Variants in RBFOX1 observed in about 807,000 individuals in gnomAD.
RBFOX1 encodes RNA binding protein fox-1 homolog 1.
In RBFOX1, 8 loss-of-function variants were observed where a neutral mutation model predicts 57.7. The ratio of observed to expected loss-of-function variants is 0.14; its 90% CI spans 0.08 to 0.25. RBFOX1 has a LOEUF of 0.25. Ranked by LOEUF, RBFOX1 falls within the 10% of genes least tolerant of loss-of-function variation. RBFOX1 has a pLI of 1.00. For synonymous variants in RBFOX1, 326 were observed against 222.4 expected (o/e 1.47, Z -4.15); for missense variants, 611 against 548.5 (o/e 1.11, Z -1.14).
chr16:7,230,780 G>T (rs1300482851), intron 4 of RBFOX1, among the ~76,000 whole-genome samples: 2 of 152,090 alleles, frequency 1.3e-5, no homozygotes, highest in Non-Finnish European at 2.9e-5. Context: ...TCTGCTCTTC[G>T]GACATAAACT....
chr16:5,303,836 C>A (rs1300136839), intron 1 of RBFOX1, among the ~76,000 whole-genome samples: 8 of 151,936 alleles, frequency 5.3e-5, no homozygotes, highest in Admixed American at 5.3e-4. Context: ...GCTGAGATGC[C>A]TTTTTTCCCC....
intron 1 of RBFOX1, among the ~76,000 whole-genome samples, chr16:5,369,535 A>G (rs2065807841): frequency 6.6e-6 from 1 of 152,238 alleles, no homozygotes; most frequent in East Asian, 1.9e-4. Context: ...ACATGCTGCT[A>G]TCCTCCCACT....
At chr16:7,473,346 A>G (rs369144596) in intron 4 of RBFOX1, among the ~76,000 whole-genome samples, 1 of 151,014 alleles carries the variant, frequency 6.6e-6, no homozygotes, top group Admixed American at 6.6e-5. Flanking sequence ...CCACTGCACT[A>G]GAACCTGGGT....
intron 3 of RBFOX1, among the ~76,000 whole-genome samples, chr16:6,754,410 A>G (rs1385070957): frequency 1.3e-5 from 2 of 152,220 alleles, no homozygotes; most frequent in Non-Finnish European, 2.9e-5. Context: ...TGGGAATTAT[A>G]TTTCAAAACC....
At chr16:6,798,307 G>A (rs1415275346) in intron 3 of RBFOX1, among the ~76,000 whole-genome samples, 2 of 152,070 alleles carry the variant, frequency 1.3e-5, no homozygotes, top group African/African-American at 2.4e-5. Flanking sequence ...CTAGAAACTT[G>A]CATTTTTGAT....
intron 1 of RBFOX1, among the ~76,000 whole-genome samples, chr16:5,373,927 C>T (rs1361518884): frequency 6.6e-6 from 1 of 150,944 alleles, no homozygotes; most frequent in Admixed American, 6.6e-5. Flanking sequence ...TTATATGTTA[C>T]CCAGTTTGAG....
rs777482155 is a variant in RBFOX1, at chr16:5,511,438, G to A, written c.258+44184G>A. 4.6e-5 allele frequency among the ~76,000 whole-genome samples: 7 copies of A among 151,908 alleles called. 1 individual carries two copies. The South Asian group carries it at 1.0e-3, about 23-fold the overall frequency. ...CTCTTTTTTCATTTTGTCCTTTGTC[G>A]ATAAGTCAAGACTAGTCAGATAATA... is the stretch of plus-strand genomic sequence containing the variant. On this transcript the variant is annotated intron_variant, in intron 2 of 2. Coordinates refer to the RBFOX1 transcript ENST00000585867.
intron 4 of RBFOX1, among the ~76,000 whole-genome samples, chr16:7,302,801 G>C (rs1474399590): frequency 2.1e-5 from 3 of 146,132 alleles, no homozygotes; most frequent in Non-Finnish European, 3.0e-5. Context: ...ATTTTCTTTC[G>C]ATTTGCAGAT....
intron 2 of RBFOX1, among the ~76,000 whole-genome samples, chr16:6,383,505 T>G (rs1397817889): frequency 2.0e-5 from 3 of 152,150 alleles, no homozygotes; most frequent in Non-Finnish European, 2.9e-5. Context: ...CTGGACACAG[T>G]GGCTCATGCC....
At chr16:5,566,196 G>C (rs1453402132) in intron 2 of RBFOX1, among the ~76,000 whole-genome samples, 2 of 152,224 alleles carry the variant, frequency 1.3e-5, no homozygotes, top group African/African-American at 2.4e-5. Context: ...TGAATACAAT[G>C]GGGATGTGAA....
intron 4 of RBFOX1, among the ~76,000 whole-genome samples, chr16:7,187,468 T>C (rs370601185): frequency 2.0e-5 from 3 of 151,080 alleles, no homozygotes; most frequent in South Asian, 4.2e-4. Flanking sequence ...GGCGGGCTAA[T>C]CACGAGATCA....
At chr16:7,381,215 T>A (rs74012506) in intron 4 of RBFOX1, among the ~76,000 whole-genome samples, 2,463 of 152,274 alleles carry the variant, frequency 0.016, 73 homozygotes, top group African/African-American at 0.056. Context: ...ATCAAAGGGA[T>A]TGAGGCCGTG....
chr16:6,848,941 T>C lies in RBFOX1; in HGVS notation c.-16+194291T>C, dbSNP rs529988710. On this transcript the variant is annotated intron_variant, in intron 3 of 15. Transcript: ENST00000550418. ...AGACCAGAGAATGTCTCACCCTGGG[T>C]AATTCTACCTTGCTTCATGCACGCT... is the stretch of plus-strand genomic sequence containing the variant. Among the ~76,000 whole-genome samples, 6 of 152,290 alleles carry C rather than the reference T, an allele frequency of 3.9e-5. No homozygotes were observed. The East Asian group carries it at 7.7e-4, about 20-fold the overall frequency.
chr16:6,761,500 CT>C (rs869243278), intron 3 of RBFOX1, among the ~76,000 whole-genome samples: 370 of 60,060 alleles, frequency 6.2e-3, no homozygotes, highest in African/African-American at 0.022. Flanking sequence ...TCCCAATCTC[CT>C]TTTTTTTTTT....
intron 2 of RBFOX1, among the ~76,000 whole-genome samples, chr16:6,344,280 G>C (rs1253968778): frequency 6.6e-6 from 1 of 151,908 alleles, no homozygotes; most frequent in Non-Finnish European, 1.5e-5. Context: ...CTAACTCTGA[G>C]CCTCAAGTGA....
chr16:6,365,443 G>A (rs556876462), intron 2 of RBFOX1, among the ~76,000 whole-genome samples: 1 of 139,506 alleles, frequency 7.2e-6, no homozygotes, highest in South Asian at 2.1e-4. Context: ...TGAGTGAATG[G>A]ATGGGTGGAT....
At chr16:7,649,048 A>G (rs2144334202) in intron 11 of RBFOX1, among the ~76,000 whole-genome samples, 1 of 152,246 alleles carries the variant, frequency 6.6e-6, no homozygotes, top group South Asian at 2.1e-4. Flanking sequence ...GGATTCTTGG[A>G]TCTTGTGCAA....
At chr16:6,652,832 G>A (rs1181433441) in intron 2 of RBFOX1, among the ~76,000 whole-genome samples, 2 of 152,120 alleles carry the variant, frequency 1.3e-5, no homozygotes, top group Admixed American at 1.3e-4. Context: ...ATGGAGGGTG[G>A]TGATGGTTGC....
chr16:7,226,717 C>T (rs958998962), intron 4 of RBFOX1, among the ~76,000 whole-genome samples: 3 of 152,152 alleles, frequency 2.0e-5, no homozygotes, highest in South Asian at 2.1e-4. Context: ...TTCAGAGATA[C>T]GTCTAAAGTC....
Sources: allele counts gnomAD v4.1 joint callset (sites outside exome capture counted in the v4.1 genomes callset), GRCh38; gene constraint gnomAD v4.1.1; transcripts MANE v1.5; gene names NCBI Gene and HGNC (gene_info 2026-07-23, HGNC 2026-07-21).